The following SCAF8 variants were observed in gnomAD, a reference collection of about 807,000 sequenced individuals.
The protein encoded by SCAF8 is SR-related CTD associated factor 8.
Under a neutral mutation model 140.5 loss-of-function variants are expected in SCAF8, and 23 were observed. The ratio of observed to expected loss-of-function variants is 0.16; its 90% CI spans 0.12 to 0.23. SCAF8 has a LOEUF of 0.23. Ranked by LOEUF, SCAF8 falls within the 10% of genes least tolerant of loss-of-function variation. SCAF8 has a pLI of 1.00. For missense variants in SCAF8, 1,397 were observed against 1,555.7 expected (o/e 0.90, Z 1.72); for synonymous variants, 575 against 528.9 (o/e 1.09, Z -1.20).
intron 1 of SCAF8, among the ~76,000 whole-genome samples, chr6:154,746,659 C>G (rs540402501): frequency 6.6e-6 from 1 of 152,158 alleles, no homozygotes; most frequent in Non-Finnish European, 1.5e-5. Context: ...TATCTGTAAA[C>G]AAACCTATTA....
intron 1 of SCAF8, among the ~76,000 whole-genome samples, chr6:154,759,932 G>C (rs1477767667): frequency 6.6e-6 from 1 of 152,084 alleles, no homozygotes; most frequent in Non-Finnish European, 1.5e-5. Flanking sequence ...GCCTCCCAAA[G>C]TGTTGGGATT....
chr6:154,784,131 ATATATATATATATATATATATATATATT>A (rs1777172573), intron 3 of SCAF8, among the ~76,000 whole-genome samples: 1 of 64,076 alleles, frequency 1.6e-5, no homozygotes, highest in African/African-American at 1.2e-4. Context: ...ATATATATAT[ATATATATATATATATATATATATATATT>A]TATTTATTTA....
At chr6:154,784,867 T>C (rs1340722775) in intron 3 of SCAF8, among the ~76,000 whole-genome samples, 1 of 152,136 alleles carries the variant, frequency 6.6e-6, no homozygotes, top group Non-Finnish European at 1.5e-5. Context: ...AAACAACATA[T>C]ACAGCCAAAT....
intron 1 of SCAF8, chr6:154,741,943 T>C: frequency 6.6e-7 from 1 of 1,524,004 alleles, no homozygotes; most frequent in Non-Finnish European, 8.8e-7. Flanking sequence ...CTTTCTCTAC[T>C]CCTCTCTCTC....
At chr6:154,744,309 G>A (rs911216810) in intron 1 of SCAF8, among the ~76,000 whole-genome samples, 1 of 151,962 alleles carries the variant, frequency 6.6e-6, no homozygotes, top group Non-Finnish European at 1.5e-5. Flanking sequence ...GTGGGGGTTG[G>A]TGAGGGGAAG....
chr6:154,793,612 G>A (rs1777490946), intron 5 of SCAF8, among the ~76,000 whole-genome samples: 1 of 151,594 alleles, frequency 6.6e-6, no homozygotes, highest in Non-Finnish European at 1.5e-5. Flanking sequence ...GTCAGGAGTT[G>A]GAGAGCAGCC....
intron 1 of SCAF8, among the ~76,000 whole-genome samples, chr6:154,743,698 T>C (rs539738021): frequency 5.3e-5 from 8 of 152,212 alleles, no homozygotes; most frequent in Non-Finnish European, 1.0e-4. Context: ...CAAATCCTAA[T>C]TAATGGCTTT....
intron 19 of SCAF8, 131 bp from the exon 20 acceptor site, chr6:154,831,808 T>C (rs968057621): frequency 1.2e-5 from 8 of 653,688 alleles, no homozygotes; most frequent in Admixed American, 3.2e-5. Flanking sequence ...CATTTCTGTT[T>C]AACTTAAAAA....
chr6:154,764,044 C>G (rs1776487498), intron 1 of SCAF8, among the ~76,000 whole-genome samples: 1 of 152,158 alleles, frequency 6.6e-6, no homozygotes, highest in Admixed American at 6.5e-5. Flanking sequence ...GAGTAGCCAT[C>G]TCAGTTTAGG....
At position 154,832,499 on chromosome 6, in the gene SCAF8, G is replaced by A; in HGVS notation, c.2920G>A (p.Asp974Asn). The change falls in exon 20 of 20, where the codon GAT becomes AAT. Residue 974 changes from aspartate (D) to asparagine (N), a missense_variant. Transcript: ENST00000367178. Reference protein sequence around the residue: ...PPPRGPFPPGDIFSQPERPFL... With the variant: ...PPPRGPFPPGNIFSQPERPFL... ...ACCCCGTGGACCTTTTCCTCCAGGA[G>A]ATATTTTTAGTCAACCAGAAAGACC... The A allele has an allele frequency of 3.7e-6, 6 of 1,613,868 alleles. No homozygotes were observed. Among genetic ancestry groups the A allele is most frequent in the Non-Finnish European group, 5.1e-6 (6 of 1,179,936 alleles).
intron 12 of SCAF8, among the ~76,000 whole-genome samples, chr6:154,812,486 C>T (rs2114655134): frequency 6.6e-6 from 1 of 152,082 alleles, no homozygotes; most frequent in South Asian, 2.1e-4. Context: ...GGTCTGGAAC[C>T]AAAGTTGCAG....
chr6:154,813,164 G>T (rs557804411), intron 12 of SCAF8, among the ~76,000 whole-genome samples: 3 of 152,222 alleles, frequency 2.0e-5, no homozygotes, highest in Admixed American at 1.3e-4. Context: ...ATATGATTGT[G>T]CCACTGCACT....
At chr6:154,742,725 C>T (rs1404934820) in intron 1 of SCAF8, among the ~76,000 whole-genome samples, 2 of 123,976 alleles carry the variant, frequency 1.6e-5, no homozygotes, top group Non-Finnish European at 3.2e-5. Flanking sequence ...GGAAAAATCT[C>T]AGTAACTTTG....
In SCAF8 at chr6:154,733,761, G is replaced by A. The variant is rs1296456627; in HGVS notation, c.-140G>A. On this transcript the variant is annotated 5_prime_UTR_variant, in exon 1 of 20. Coordinates refer to ENST00000367178, the MANE Select transcript of SCAF8 (RefSeq NM_014892.5). Reference sequence around the variant, plus strand: ...CCGCCAGCGCGTGCCCTTCCACTCCGCCCCGAGGTCGCAGCGGCCCGCTCT... The same window carrying A: ...CCGCCAGCGCGTGCCCTTCCACTCCACCCCGAGGTCGCAGCGGCCCGCTCT... 1.6e-5 allele frequency: 22 copies of A among 1,357,946 alleles called. No homozygotes were observed. The highest frequency in any genetic ancestry group is 3.1e-5 in the African/African-American group (2 of 64,750). 84.1% of individuals were successfully genotyped at this position (1,357,946 alleles called of 1,614,324 possible).
At chr6:154,756,781 C>CT (rs1778976624) in intron 1 of SCAF8, among the ~76,000 whole-genome samples, 1 of 152,120 alleles carries the variant, frequency 6.6e-6, no homozygotes, top group African/African-American at 2.4e-5. Flanking sequence ...AATCCCAGCA[C>CT]TTTGGGAAGC....
chr6:154,769,984 C>T (rs1324799192), intron 1 of SCAF8, among the ~76,000 whole-genome samples: 1 of 152,100 alleles, frequency 6.6e-6, no homozygotes, highest in Non-Finnish European at 1.5e-5. Flanking sequence ...TTGCTGTAAG[C>T]ACTGTAGTAA....
chr6:154,793,839 A>AAAAT (rs1554261614), intron 5 of SCAF8, among the ~76,000 whole-genome samples: 1 of 142,582 alleles, frequency 7.0e-6, no homozygotes, highest in African/African-American at 2.7e-5. Context: ...AAAAAAAAAA[A>AAAAT]TTTTTTTAAA....
At chr6:154,759,645 A>C (rs1779049264) in intron 1 of SCAF8, among the ~76,000 whole-genome samples, 4 of 151,250 alleles carry the variant, frequency 2.6e-5, no homozygotes, top group African/African-American at 9.7e-5. Flanking sequence ...GGATATTAGA[A>C]TCTCCAGATG....
At chr6:154,783,355 C>T (rs181223144) in intron 3 of SCAF8, among the ~76,000 whole-genome samples, 1 of 152,110 alleles carries the variant, frequency 6.6e-6, no homozygotes, top group African/African-American at 2.4e-5. Flanking sequence ...GAAATACATT[C>T]TATGGTACTG....
Sources: gnomAD v4.1 joint callset for allele counts (sites outside exome capture counted in the v4.1 genomes callset) on GRCh38, gnomAD v4.1.1 for gene constraint, MANE v1.5 for transcripts, NCBI Gene and HGNC (gene_info 2026-07-23, HGNC 2026-07-21) for gene names.